HMCN1: variants seen among roughly 807,000 people sequenced by gnomAD.
HMCN1 encodes hemicentin-1.
A neutral mutation model predicts 625.9 loss-of-function variants in HMCN1; 321 were observed. The observed-to-expected ratio is 0.51, with a 90% CI of 0.47 to 0.56. The LOEUF (loss-of-function observed/expected upper bound fraction) is 0.56, where lower values mean the gene tolerates loss of function less well. Ranked by LOEUF, HMCN1 falls within the 20% of genes least tolerant of loss-of-function variation. The pLI is 0.00. For missense variants in HMCN1, 6,588 were observed against 6,887.3 expected (o/e 0.96, Z 1.54); for synonymous variants, 2,425 against 2,417.6 (o/e 1.00, Z -0.09).
chr1:186,063,724 G>T (rs1657924988), intron 48 of HMCN1, among the ~76,000 whole-genome samples: 1 of 151,966 alleles, frequency 6.6e-6, no homozygotes, highest in African/African-American at 2.4e-5. Context: ...TTGTAGTGGG[G>T]ATTTTCCAAG....
intron 6 of HMCN1, among the ~76,000 whole-genome samples, chr1:185,912,640 A>G (rs555172503): frequency 9.9e-4 from 151 of 152,070 alleles, no homozygotes; most frequent in African/African-American, 3.4e-3. Flanking sequence ...GTTTTTTCCT[A>G]GAACAGGAAA....
intron 1 of HMCN1, among the ~76,000 whole-genome samples, chr1:185,811,609 AT>A (rs1449663638): frequency 1.3e-5 from 2 of 152,032 alleles, no homozygotes; most frequent in East Asian, 1.9e-4. Flanking sequence ...AAAAATAAAA[AT>A]AAAAAAAAAA....
intron 66 of HMCN1, among the ~76,000 whole-genome samples, chr1:186,093,904 G>A (rs1387148306): frequency 6.6e-6 from 1 of 152,006 alleles, no homozygotes. Context: ...TTTATAGACA[G>A]GTTTGTTATC....
chr1:185,737,355 G>T (rs1237674402), intron 1 of HMCN1, among the ~76,000 whole-genome samples: 1 of 151,942 alleles, frequency 6.6e-6, no homozygotes, highest in Non-Finnish European at 1.5e-5. Context: ...CCACTATGTT[G>T]CCCGGGCTAG....
chr1:186,107,243 G>A lies in HMCN1; in HGVS notation c.10852+278G>A, dbSNP rs375963756. 3.4e-3 allele frequency among the ~76,000 whole-genome samples: 517 copies of A among 152,148 alleles called. 6 individuals are homozygous for A. The highest frequency in any genetic ancestry group is 0.012 in the African/African-American group (491 of 41,504). On this transcript the variant is annotated intron_variant, in intron 70 of 106. Transcript: ENST00000271588. ...TGGGACTACAGGTGCCTGCCACCAC[G>A]CCCGGCTAATTTTTTGTATTTTTGG...
At chr1:186,115,582 T>C (rs1250301371) in intron 75 of HMCN1, among the ~76,000 whole-genome samples, 168 bp downstream of exon 75, 1 of 152,200 alleles carries the variant, frequency 6.6e-6, no homozygotes, top group Non-Finnish European at 1.5e-5. Flanking sequence ...TAAAATATTT[T>C]TCTGAATTAT....
Position 186,018,250 on chromosome 1 carries a change from C to G in HMCN1, c.5368C>G (p.Leu1790Val). 1 of 1,612,676 alleles carries G rather than the reference C, an allele frequency of 6.2e-7. No individual in the cohort carries two copies. The highest frequency in any genetic ancestry group is 8.5e-7 in the Non-Finnish European group (1 of 1,178,898). ...GFKILLNGRK[L>V]VIAQAQVSNT... ...CAAGATTTTATTAAATGGACGCAAA[C>G]TGGTTATTGCTCAGGCTCAAGTGTC... is the stretch of plus-strand genomic sequence containing the variant. Residue 1790 changes from leucine (L) to valine (V), a missense_variant, in exon 34 of 107, where the codon CTG becomes GTG. This residue lies in a region of HMCN1 where 4,628 missense variants were observed against 4,853.1 expected (regional missense o/e 0.95). Coordinates refer to ENST00000271588, the MANE Select transcript of HMCN1 (RefSeq NM_031935.3).
rs1329627178 is a variant in HMCN1, at chr1:185,997,435, C to T, written c.3785C>T (p.Pro1262Leu). The T allele has an allele frequency of 2.5e-6, 4 of 1,605,588 alleles. No individual in the cohort carries two copies. The highest frequency in any genetic ancestry group is 1.3e-5 in the African/African-American group (1 of 74,682). Residue 1262 changes from proline to leucine, a missense_variant, in exon 25 of 107, where the codon CCC (proline) becomes CTC (leucine). Pro to Leu is a moderately conservative substitution (Grantham distance 98, BLOSUM62 -3). This residue lies in a region of HMCN1 where 4,628 missense variants were observed against 4,853.1 expected (regional missense o/e 0.95). Transcript: ENST00000271588. ...GCATTTATTTTCCTAATAGAACCAC[C>T]CACAGTGGAAGATCTAGAACCTCCA... ...TEITLHVQEPPTVEDLEPPYN... is the reference protein window; with the variant it reads ...TEITLHVQEPLTVEDLEPPYN...
At chr1:186,174,406 T>C (rs1652430831) in intron 102 of HMCN1, 108 bp from the exon 103 acceptor site, 1 of 1,321,692 alleles carries the variant, frequency 7.6e-7, no homozygotes, top group Admixed American at 1.7e-5. Flanking sequence ...TCTCAACCAC[T>C]TGGTGAGAAA....
At chr1:185,903,554 G>A (rs889098594) in intron 4 of HMCN1, among the ~76,000 whole-genome samples, 1 of 151,588 alleles carries the variant, frequency 6.6e-6, no homozygotes, top group Non-Finnish European at 1.5e-5. Context: ...TTGTTTATGA[G>A]CACTTACTAT....
intron 2 of HMCN1, among the ~76,000 whole-genome samples, chr1:185,861,156 G>A (rs1662842051): frequency 6.6e-6 from 1 of 152,086 alleles, no homozygotes; most frequent in Non-Finnish European, 1.5e-5. Context: ...AGGGAAGTAG[G>A]CATCTATAGG....
chr1:185,823,835 T>A (rs531579233), intron 1 of HMCN1, among the ~76,000 whole-genome samples: 1 of 152,360 alleles, frequency 6.6e-6, no homozygotes, highest in South Asian at 2.1e-4. Context: ...TAGAAATGAA[T>A]AATTAAATTA....
At position 185,847,003 on chromosome 1, in the gene HMCN1, C is replaced by T. The variant is rs56379176; in HGVS notation, c.339+907C>T. On this transcript the variant is annotated intron_variant, in intron 2 of 106. Coordinates refer to ENST00000271588, the MANE Select transcript of HMCN1 (RefSeq NM_031935.3). ...AATCAACAATTACCTGTGCACTGAG[C>T]GGGTTGGTGCAACTTTTTACACTAC... 5.5e-3 allele frequency among the ~76,000 whole-genome samples: 836 copies of T among 152,216 alleles called. 5 individuals are homozygous for T. Among genetic ancestry groups the T allele is most frequent in the Non-Finnish European group, 8.8e-3 (599 of 68,006 alleles).
chr1:185,856,703 T>C lies in HMCN1; in HGVS notation c.340-7767T>C, dbSNP rs142846964. Among the ~76,000 whole-genome samples, 362 of 152,278 alleles carry C rather than the reference T, an allele frequency of 2.4e-3. 1 individual carries two copies. The highest frequency in any genetic ancestry group is 8.2e-3 in the African/African-American group (340 of 41,560). ...TAAATATTGTAATGCCAATAAGAAT[T>C]ATTTTGAACTTAGTCATGAGTCTAT... On this transcript the variant is annotated intron_variant, in intron 2 of 106. Coordinates refer to ENST00000271588, the MANE Select transcript of HMCN1 (RefSeq NM_031935.3).
At chr1:185,829,904 A>T (rs1387800395) in intron 1 of HMCN1, among the ~76,000 whole-genome samples, 1 of 152,148 alleles carries the variant, frequency 6.6e-6, no homozygotes, top group Non-Finnish European at 1.5e-5. Context: ...CCTTGCCAGA[A>T]TCTATTGTTT....
intron 1 of HMCN1, among the ~76,000 whole-genome samples, chr1:185,808,208 G>A (rs1473464415): frequency 6.6e-6 from 1 of 152,012 alleles, no homozygotes; most frequent in African/African-American, 2.4e-5. Flanking sequence ...TTAGCCAAGT[G>A]TGGTGGTGTG....
chr1:186,175,906 G>C (rs1001237027), intron 103 of HMCN1, among the ~76,000 whole-genome samples: 49 of 140,006 alleles, frequency 3.5e-4, no homozygotes, highest in Non-Finnish European at 5.8e-4. Context: ...GAAAAGAAAA[G>C]AAAAGAAAGA....
chr1:186,106,700 G>T (rs1660627871), intron 69 of HMCN1, among the ~76,000 whole-genome samples, 184 bp from the exon 70 acceptor site: 1 of 152,108 alleles, frequency 6.6e-6, no homozygotes, highest in Non-Finnish European at 1.5e-5. Flanking sequence ...TAAAACATAG[G>T]TTTGCATATA....
chr1:185,811,719 T>C (rs1659531108), intron 1 of HMCN1, among the ~76,000 whole-genome samples: 6 of 144,472 alleles, frequency 4.2e-5, no homozygotes, highest in Admixed American at 4.1e-4. Context: ...TATTTCTCTT[T>C]CCCTTGCTCT....
Sources: allele counts gnomAD v4.1 joint callset (sites outside exome capture counted in the v4.1 genomes callset), GRCh38; gene constraint gnomAD v4.1.1; regional missense constraint gnomAD v4.1.1; transcripts MANE v1.5; gene names NCBI Gene and HGNC (gene_info 2026-07-23, HGNC 2026-07-21).